DESI1: variants seen among roughly 807,000 people sequenced by gnomAD.
DESI1 encodes the protein PPPDE peptidase domain containing 2.
In DESI1, 17 loss-of-function variants were observed where a neutral mutation model predicts 22.4. The observed-to-expected ratio is 0.76, with a 90% CI of 0.52 to 1.14. The LOEUF is 1.14. DESI1 is among the 50% of genes most tolerant of loss of function. DESI1 has a pLI of 0.00. For synonymous variants in DESI1, 92 were observed against 84.2 expected, an observed-to-expected ratio of 1.09 and a Z score of -0.51; for missense variants, 177 against 208.9, an observed-to-expected ratio of 0.85 and a Z score of 0.94.
intron 5 of DESI1, 184 bp downstream of exon 5, chr22:41,603,075 G>T: frequency 1.1e-6 from 1 of 886,700 alleles, no homozygotes; most frequent in Non-Finnish European, 1.7e-6. Flanking sequence ...TAGCTCTGAA[G>T]GTGGAGGTAA....
In DESI1 at chr22:41,620,747, C is replaced by T; in HGVS notation, c.88+5G>A. The stretch of plus-strand genomic sequence containing the variant: ...CTCCTGCCCACCTGGCCCCTTCCCC[C>T]TCACCCAGCATGATGGGGCTGAGCC... On this transcript the variant is annotated splice_donor_5th_base_variant and intron_variant, in intron 1 of 5. Coordinates refer to ENST00000263256, the MANE Select transcript of DESI1 (RefSeq NM_015704.3). 1.9e-6 allele frequency: 3 copies of T among 1,606,582 alleles called. No individual in the cohort carries two copies. Among genetic ancestry groups the T allele is most frequent in the Non-Finnish European group, 2.5e-6 (3 of 1,176,722 alleles).
Position 41,620,883 on chromosome 22 carries a change from G to T in DESI1, c.-44C>A. 1 of 1,579,366 alleles carries T rather than the reference G, an allele frequency of 6.3e-7. No individual in the cohort carries two copies. Among genetic ancestry groups the T allele is most frequent in the South Asian group, 1.1e-5 (1 of 87,138 alleles). ...CGGCCACGACGGCCCTCGGGCACCC[G>T]GCAGCGGCTTGGACCTTCCCGTACC... On this transcript the variant is annotated 5_prime_UTR_variant, in exon 1 of 6. Coordinates refer to ENST00000263256, the MANE Select transcript of DESI1 (RefSeq NM_015704.3).
intron 1 of DESI1, among the ~76,000 whole-genome samples, chr22:41,615,778 TC>T (rs2067547404): frequency 6.6e-6 from 1 of 152,238 alleles, no homozygotes; most frequent in Non-Finnish European, 1.5e-5. Context: ...CCAAAGCCTC[TC>T]TGACATGCTC....
chr22:41,621,043 G>C lies in DESI1; in HGVS notation c.-204C>G, dbSNP rs547417018. On this transcript the variant is annotated 5_prime_UTR_variant, in exon 1 of 6. Transcript: ENST00000263256. ...AACGACTACTGTGAGGTGACAGAGA[G>C]GGGACAGGGAGGGCCCACACGGAAG... 1.9e-4 allele frequency: 113 copies of C among 594,346 alleles called. 2 individuals carry two copies. In the Admixed American group the frequency reaches 3.2e-3, roughly 17 times the overall value. The allele number at this position is 594,346 out of a possible 1,614,324, so 36.8% of individuals were successfully genotyped here.
chr22:41,618,356 C>T lies in DESI1; in HGVS notation c.88+2396G>A, dbSNP rs1441714383. ...CCAGCCTGGGCAACAGAGCAAGACTCGTCTAAAAAAAAAAAAAAGGTCTCT... is the reference window on the plus strand; with the variant it reads ...CCAGCCTGGGCAACAGAGCAAGACTTGTCTAAAAAAAAAAAAAAGGTCTCT... On this transcript the variant is annotated intron_variant, in intron 1 of 5. Coordinates refer to ENST00000263256, the MANE Select transcript of DESI1 (RefSeq NM_015704.3). Among the ~76,000 whole-genome samples, 4 of 67,764 alleles carry T rather than the reference C, an allele frequency of 5.9e-5. No individual in the cohort carries two copies. In the South Asian group the frequency reaches 1.2e-3, roughly 20 times the overall value. The allele number at this position is 67,764 out of a possible 152,430, so 44.5% of individuals were successfully genotyped here.
intron 1 of DESI1, among the ~76,000 whole-genome samples, chr22:41,610,636 G>T (rs2067511178): frequency 6.6e-6 from 1 of 151,904 alleles, no homozygotes; most frequent in Admixed American, 6.6e-5. Context: ...CCACAAGTGG[G>T]CCGGGCGTGG....
chr22:41,601,513 C>T (rs2067449839), intron 5 of DESI1, among the ~76,000 whole-genome samples: 1 of 152,118 alleles, frequency 6.6e-6, no homozygotes, highest in South Asian at 2.1e-4. Context: ...TTTCTGTGCT[C>T]TATGTGCTTG....
rs2067433736 is a variant in DESI1 at position 41,598,692 on chromosome 22, A to C, written c.*2405T>G. On this transcript the variant is annotated 3_prime_UTR_variant, in exon 6 of 6. Transcript: ENST00000263256. ...ACCCCCTGGATGGAGGGGAGACCCC[A>C]GGCAGAGGGGTCTGGAGCAGGACCC... 6.6e-6 allele frequency: 1 copy of C among 152,396 alleles called. No homozygotes were observed. The highest frequency in any genetic ancestry group is 2.4e-5 in the African/African-American group (1 of 41,458). 9.4% of individuals were successfully genotyped at this position (152,396 alleles called of 1,614,324 possible).
intron 1 of DESI1, among the ~76,000 whole-genome samples, chr22:41,609,266 G>A (rs909483645): frequency 5.9e-5 from 9 of 152,156 alleles, no homozygotes; most frequent in African/African-American, 2.2e-4. Context: ...AGATAGTTAA[G>A]GGGACCATAT....
At chr22:41,610,136 C>T (rs1382545278) in intron 1 of DESI1, among the ~76,000 whole-genome samples, 1 of 147,882 alleles carries the variant, frequency 6.8e-6, no homozygotes, top group Non-Finnish European at 1.5e-5. Flanking sequence ...AATCCCAGCA[C>T]TTTGGGAGGC....
chr22:41,603,039 G>T, intron 5 of DESI1: 2 of 704,870 alleles, frequency 2.8e-6, no homozygotes, highest in Non-Finnish European at 4.5e-6. Context: ...TTCTGTGGTT[G>T]CACTTAGGCC....
rs746029614 is a variant in DESI1 at position 41,601,019 on chromosome 22, A to G, written c.*78T>C. 1.7e-4 allele frequency: 225 copies of G among 1,333,290 alleles called. No homozygotes were observed. The highest frequency in any genetic ancestry group is 2.2e-4 in the Non-Finnish European group (211 of 954,664). The allele number at this position is 1,333,290 out of a possible 1,614,324, so 82.6% of individuals were successfully genotyped here. A position where few individuals can be genotyped will look rare whatever the true frequency, so the allele number is the denominator to read the frequency against. ...GTTGTTAGCTCTGATGTAAAATTAT[A>G]AAATAGAAATCTGGTAGGGTTTGTT... On this transcript the variant is annotated 3_prime_UTR_variant, in exon 6 of 6. Transcript: ENST00000263256.
At chr22:41,606,128 T>C (rs2147040514) in intron 3 of DESI1, among the ~76,000 whole-genome samples, 1 of 152,190 alleles carries the variant, frequency 6.6e-6, no homozygotes, top group Middle Eastern at 3.4e-3. Flanking sequence ...GAATTCTGGC[T>C]TATGCAGTAG....
intron 5 of DESI1, chr22:41,602,464 C>T: frequency 1.0e-6 from 1 of 985,440 alleles, no homozygotes. Flanking sequence ...CAAGCTCTTC[C>T]TGGGAGGTGC....
At chr22:41,620,528 C>A (rs1001159425) in intron 1 of DESI1, among the ~76,000 whole-genome samples, 3 of 152,326 alleles carry the variant, frequency 2.0e-5, no homozygotes, top group African/African-American at 4.8e-5. Context: ...ATGACTCCTC[C>A]ATCCCTTCCC....
chr22:41,608,599 G>A (rs550417609), intron 1 of DESI1, among the ~76,000 whole-genome samples: 1 of 152,326 alleles, frequency 6.6e-6, no homozygotes, highest in East Asian at 1.9e-4. Flanking sequence ...AGTGAAGGGG[G>A]CAGTGATGGT....
chr22:41,613,715 C>A (rs2067532175), intron 1 of DESI1, among the ~76,000 whole-genome samples: 1 of 152,246 alleles, frequency 6.6e-6, no homozygotes, highest in Non-Finnish European at 1.5e-5. Context: ...CACTCCCAGT[C>A]TACTGCTGTC....
chr22:41,602,341 G>GATCC, intron 5 of DESI1: 1 of 985,406 alleles, frequency 1.0e-6, no homozygotes, highest in Non-Finnish European at 1.2e-6. Flanking sequence ...CCATAACCTA[G>GATCC]ATCCCTCAGC....
intron 1 of DESI1, among the ~76,000 whole-genome samples, chr22:41,620,310 G>T (rs2067578570): frequency 6.6e-6 from 1 of 152,040 alleles, no homozygotes; most frequent in African/African-American, 2.4e-5. Flanking sequence ...AGAGCCACCC[G>T]ACCTCCGCAG....
Sources: gnomAD v4.1 joint callset for allele counts (sites outside exome capture counted in the v4.1 genomes callset) on GRCh38, gnomAD v4.1.1 for gene constraint, MANE v1.5 for transcripts, NCBI Gene and HGNC (gene_info 2026-07-23, HGNC 2026-07-21) for gene names.